NLRP14: variants seen among roughly 807,000 people sequenced by gnomAD.
The protein encoded by NLRP14 is NACHT, LRR and PYD domains-containing protein 14.
NLRP14 carries 105 observed loss-of-function variants against 94.7 expected under a neutral mutation model. The observed-to-expected ratio is 1.11, with a 90% CI of 0.95 to 1.30. NLRP14 has a LOEUF of 1.30. Among genes scored for constraint, NLRP14 ranks in the 50% most tolerant of loss-of-function variants. The probability of loss-of-function intolerance (pLI) is 0.00; values close to 1 mark genes in which losing one functional copy is unlikely to be tolerated. For synonymous variants in NLRP14, 508 were observed against 459.9 expected (o/e 1.10, Z -1.34); for missense variants, 1,362 against 1,254.1 (o/e 1.09, Z -1.30).
chr11:7,053,853 G>A (rs991339403), intron 6 of NLRP14, among the ~76,000 whole-genome samples: 9 of 151,810 alleles, frequency 5.9e-5, no homozygotes, highest in Admixed American at 3.3e-4. Context: ...TATTTTTTAC[G>A]TTAGTCACCC....
intron 10 of NLRP14, among the ~76,000 whole-genome samples, chr11:7,069,705 C>A (rs149690645): frequency 0.019 from 2,966 of 152,216 alleles, 42 homozygotes; most frequent in Middle Eastern, 0.044. Flanking sequence ...CAGCTCACTG[C>A]AACCTCTGCC....
the NLRP14 span, among the ~76,000 whole-genome samples, chr11:7,078,109 A>T: frequency 1.3e-5 from 2 of 152,206 alleles, no homozygotes; most frequent in Admixed American, 6.5e-5. Context: ...CATTTTTACC[A>T]TAATTTAAAA....
At chr11:7,037,682 T>C (rs1852179770) in intron 1 of NLRP14, among the ~76,000 whole-genome samples, 1 of 152,164 alleles carries the variant, frequency 6.6e-6, no homozygotes, top group Non-Finnish European at 1.5e-5. Context: ...TCAAAAGGAT[T>C]TGATGATGTT....
At chr11:7,076,279 T>G (rs1316428697), downstream of NLRP14, among the ~76,000 whole-genome samples, 1 of 152,226 alleles carries the variant, frequency 6.6e-6, no homozygotes, top group Non-Finnish European at 1.5e-5. Flanking sequence ...GGTTTGCAAT[T>G]TTAAATAGAG....
At chr11:7,048,698 C>T (rs1268653070) in intron 5 of NLRP14, among the ~76,000 whole-genome samples, 1 of 152,172 alleles carries the variant, frequency 6.6e-6, no homozygotes, top group Non-Finnish European at 1.5e-5. Context: ...CATCCCTAAA[C>T]ATTTCCCCCA....
rs181820058 is a variant in NLRP14, at chr11:7,037,402, C to T, written c.-21-1164C>T. Among the ~76,000 whole-genome samples, 393 of 152,192 alleles carry T rather than the reference C, an allele frequency of 2.6e-3. 3 individuals carry two copies. Among genetic ancestry groups the T allele is most frequent in the African/African-American group, 9.3e-3 (384 of 41,478 alleles). On this transcript the variant is annotated intron_variant, in intron 1 of 11. Transcript: ENST00000299481. ...TCCCTTCTATATACTTTTATTTCCC[C>T]CATCCGTCTTTTTTTTCCAATCATA...
intron 1 of NLRP14, among the ~76,000 whole-genome samples, chr11:7,029,451 A>G (rs1852060984): frequency 6.6e-6 from 1 of 152,236 alleles, no homozygotes; most frequent in South Asian, 2.1e-4. Context: ...ACTTCCAAAT[A>G]TAAGTTTATA....
Position 7,043,524 on chromosome 11 carries a change from G to A in NLRP14, c.1498G>A (p.Ala500Thr). The change falls in exon 4 of 12, where the codon GCT (alanine) becomes ACT (threonine). Residue 500 changes from alanine (A) to threonine (T), a missense_variant. Transcript: ENST00000299481. Reference sequence around the variant, plus strand: ...CTATATGTTGAAAGGCAGTTGGGAAGCTGGGAACCCTTCCTGCCAGCCTTT... The same window carrying A: ...CTATATGTTGAAAGGCAGTTGGGAAACTGGGAACCCTTCCTGCCAGCCTTT... ...MFYMLKGSWE[A>T]GNPSCQPFED... is the part of the protein sequence containing the mutation. 1.2e-6 allele frequency: 2 copies of A among 1,614,186 alleles called. No homozygotes were observed. The highest frequency in any genetic ancestry group is 8.5e-7 in the Non-Finnish European group (1 of 1,180,018).
rs1238066261 is a variant in NLRP14 at position 7,038,965 on chromosome 11, G to T, written c.289+90G>T. The stretch of plus-strand genomic sequence containing the variant: ...AATGTTTCTGTAAGAGGGATTTAGG[G>T]ATTAAACCATGTTGGGGGACATAAG... On this transcript the variant is annotated intron_variant, in intron 2 of 11. Transcript: ENST00000299481. 5.5e-6 allele frequency: 7 copies of T among 1,272,090 alleles called. No individual in the cohort carries two copies. The East Asian group carries it at 1.4e-4, about 26-fold the overall frequency. 78.8% of individuals were successfully genotyped at this position (1,272,090 alleles called of 1,614,324 possible). A position where few individuals can be genotyped will look rare whatever the true frequency, so the allele number is the denominator to read the frequency against.
At chr11:7,036,370 T>C (rs1220725910) in intron 1 of NLRP14, among the ~76,000 whole-genome samples, 1 of 152,214 alleles carries the variant, frequency 6.6e-6, no homozygotes, top group Non-Finnish European at 1.5e-5. Context: ...TATATTCTAC[T>C]CTACTATAAT....
Position 7,062,349 on chromosome 11 carries a change from C to T in NLRP14, c.2821C>T (p.Leu941Phe), listed in dbSNP as rs1589871680. The T allele has an allele frequency of 3.1e-6, 5 of 1,612,610 alleles. No homozygotes were observed. Among genetic ancestry groups the T allele is most frequent in the Non-Finnish European group, 4.2e-6 (5 of 1,178,894 alleles). The change falls in exon 10 of 12, where the codon CTC becomes TTC. Residue 941 changes from leucine (L) to phenylalanine (F), a missense_variant. Leu to Phe is a conservative substitution (Grantham distance 22). Transcript: ENST00000299481. ...LQDLELMGCV[L>F]TNACCLDLAS... Reference sequence around the variant, plus strand: ...TTCTTACAGATTGATGGGCTGTGTTCTCACTAATGCATGTTGTCTGGATCT... The same window carrying T: ...TTCTTACAGATTGATGGGCTGTGTTTTCACTAATGCATGTTGTCTGGATCT...
intron 1 of NLRP14, among the ~76,000 whole-genome samples, chr11:7,022,660 A>C (rs969668120): frequency 8.5e-5 from 13 of 152,202 alleles, no homozygotes; most frequent in Non-Finnish European, 5.9e-5. Context: ...AGTGCACAGA[A>C]AATTTTCAGA....
At chr11:7,070,926 G>A (rs1042596916) in intron 11 of NLRP14, among the ~76,000 whole-genome samples, 6 of 152,056 alleles carry the variant, frequency 3.9e-5, no homozygotes, top group African/African-American at 1.2e-4. Flanking sequence ...GGCTCTTGGA[G>A]GATCCTTTTT....
intron 1 of NLRP14, among the ~76,000 whole-genome samples, chr11:7,022,769 A>G (rs561902546): frequency 1.3e-5 from 2 of 152,358 alleles, no homozygotes; most frequent in Admixed American, 6.5e-5. Context: ...GAATAAGAAC[A>G]GAAGCAAACT....
chr11:7,083,000 C>T, the NLRP14 span, among the ~76,000 whole-genome samples: 1 of 152,210 alleles, frequency 6.6e-6, no homozygotes, highest in African/African-American at 2.4e-5. Flanking sequence ...TCAGCACTTG[C>T]AGTTGCAGCC....
intron 10 of NLRP14, among the ~76,000 whole-genome samples, chr11:7,069,996 T>A (rs777654894): frequency 6.6e-5 from 10 of 152,224 alleles, no homozygotes; most frequent in Non-Finnish European, 1.2e-4. Flanking sequence ...TTTTTAGTGA[T>A]GTTCAAGGAT....
chr11:7,089,598 C>T, the NLRP14 span: 18 of 1,187,884 alleles, frequency 1.5e-5, no homozygotes, highest in Non-Finnish European at 1.9e-5. Flanking sequence ...GGTCGGCCCA[C>T]CCCCCAAGAG....
intron 10 of NLRP14, among the ~76,000 whole-genome samples, chr11:7,067,694 T>C (rs1267422246): frequency 6.6e-6 from 1 of 152,182 alleles, no homozygotes; most frequent in Non-Finnish European, 1.5e-5. Flanking sequence ...CATTGTGTAA[T>C]TTACTTTGTT....
chr11:7,062,299 G>A, intron 9 of NLRP14, 34 bp from the exon 10 acceptor site: 2 of 1,581,262 alleles, frequency 1.3e-6, no homozygotes, highest in Non-Finnish European at 1.7e-6. Context: ...CCTCACAATG[G>A]AAGGATTCAC....
Sources: allele counts gnomAD v4.1 joint callset (sites outside exome capture counted in the v4.1 genomes callset), GRCh38; gene constraint gnomAD v4.1.1; transcripts MANE v1.5; gene names NCBI Gene and HGNC (gene_info 2026-07-23, HGNC 2026-07-21).